Variants in CDH13 observed in about 807,000 individuals in gnomAD.
The protein encoded by CDH13 is cadherin 13.
Under a neutral mutation model 63.8 loss-of-function variants are expected in CDH13, and 24 were observed. The observed-to-expected ratio is 0.38, with a 90% confidence interval of 0.27 to 0.53. CDH13 has a LOEUF of 0.53. Among genes scored for constraint, CDH13 ranks in the 20% least tolerant of loss-of-function variants. CDH13 has a pLI of 0.85. For synonymous variants in CDH13, 503 were observed against 355.3 expected (o/e 1.42, Z -4.67); for missense variants, 1,049 against 903.1 (o/e 1.16, Z -2.07).
intron 1 of CDH13, among the ~76,000 whole-genome samples, chr16:82,799,573 G>A (rs1301364807): frequency 6.6e-6 from 1 of 152,128 alleles, no homozygotes; most frequent in East Asian, 1.9e-4. Context: ...AGAAATAAAT[G>A]GAAAACTCTT....
At chr16:82,749,871 G>A (rs1215582261) in intron 1 of CDH13, among the ~76,000 whole-genome samples, 3 of 151,976 alleles carry the variant, frequency 2.0e-5, no homozygotes, top group Non-Finnish European at 4.4e-5. Context: ...GGAGGTGTCA[G>A]TGATGTTATT....
At chr16:83,521,051 A>G (rs182994310) in intron 7 of CDH13, among the ~76,000 whole-genome samples, 2 of 152,194 alleles carry the variant, frequency 1.3e-5, no homozygotes, top group Admixed American at 1.3e-4. Context: ...TATATACTTC[A>G]TGTGCTTTTT....
At chr16:83,525,110 C>A (rs1406533904) in intron 7 of CDH13, among the ~76,000 whole-genome samples, 1 of 152,138 alleles carries the variant, frequency 6.6e-6, no homozygotes, top group African/African-American at 2.4e-5. Flanking sequence ...CTCTCTCTCC[C>A]GGTGTCCTTA....
intron 2 of CDH13, among the ~76,000 whole-genome samples, chr16:83,020,235 C>T (rs745568539): frequency 1.3e-5 from 2 of 152,136 alleles, no homozygotes; most frequent in South Asian, 2.1e-4. Context: ...TGTAGGACCT[C>T]AATGTATTCT....
At chr16:83,188,595 A>T (rs141973121) in intron 4 of CDH13, among the ~76,000 whole-genome samples, 3 of 152,106 alleles carry the variant, frequency 2.0e-5, no homozygotes, top group African/African-American at 7.2e-5. Flanking sequence ...CTGGCTCCCA[A>T]ACCTGTCCTT....
At chr16:83,729,238 A>T (rs1269587673) in intron 10 of CDH13, among the ~76,000 whole-genome samples, 1 of 152,204 alleles carries the variant, frequency 6.6e-6, no homozygotes, top group African/African-American at 2.4e-5. Flanking sequence ...CATATACATC[A>T]TATACTGTTA....
chr16:83,338,241 A>G (rs905149598), intron 5 of CDH13, among the ~76,000 whole-genome samples: 10 of 151,334 alleles, frequency 6.6e-5, no homozygotes, highest in African/African-American at 1.9e-4. Flanking sequence ...ATTGTTTACC[A>G]CTGGGATTCT....
chr16:83,169,796 A>T (rs1482194023), intron 4 of CDH13, among the ~76,000 whole-genome samples: 1 of 152,114 alleles, frequency 6.6e-6, no homozygotes, highest in Admixed American at 6.6e-5. Flanking sequence ...AGACAGATAC[A>T]ATACCATTTT....
At chr16:83,697,246 G>A (rs1905528956) in intron 10 of CDH13, among the ~76,000 whole-genome samples, 2 of 152,228 alleles carry the variant, frequency 1.3e-5, no homozygotes, top group African/African-American at 4.8e-5. Context: ...TCACAGTTGA[G>A]CTCAAACAAG....
chr16:83,145,370 A>G (rs150360034), intron 4 of CDH13, among the ~76,000 whole-genome samples: 1 of 152,310 alleles, frequency 6.6e-6, no homozygotes, highest in African/African-American at 2.4e-5. Flanking sequence ...AAAGGGAGAA[A>G]ATAATTATCA....
intron 3 of CDH13, among the ~76,000 whole-genome samples, chr16:83,075,584 T>A (rs2032777225): frequency 1.3e-5 from 2 of 152,194 alleles, no homozygotes; most frequent in Non-Finnish European, 2.9e-5. Flanking sequence ...TCTCATCATG[T>A]TTGGATTCAG....
chr16:83,141,797 G>C (rs933754264), intron 4 of CDH13, among the ~76,000 whole-genome samples: 1 of 152,178 alleles, frequency 6.6e-6, no homozygotes, highest in Non-Finnish European at 1.5e-5. Context: ...TTAGTTTGCT[G>C]AGAATGATGG....
chr16:82,808,456 A>G (rs1467238379), intron 1 of CDH13, among the ~76,000 whole-genome samples: 2 of 152,200 alleles, frequency 1.3e-5, no homozygotes, highest in Non-Finnish European at 2.9e-5. Context: ...GAATCCTTAT[A>G]GGAGGCAAGT....
intron 8 of CDH13, among the ~76,000 whole-genome samples, chr16:83,614,553 T>C (rs986897897): frequency 1.3e-4 from 20 of 152,338 alleles, no homozygotes; most frequent in African/African-American, 4.1e-4. Flanking sequence ...CAGTGAATTT[T>C]CCTTCTCTCC....
chr16:83,076,426 C>G (rs975784284), intron 3 of CDH13, among the ~76,000 whole-genome samples: 2 of 152,124 alleles, frequency 1.3e-5, no homozygotes, highest in Non-Finnish European at 2.9e-5. Flanking sequence ...CTTGGCTAGA[C>G]AAAGATCCTT....
chr16:83,138,059 A>G (rs1024259107), intron 4 of CDH13, among the ~76,000 whole-genome samples: 1 of 152,052 alleles, frequency 6.6e-6, no homozygotes, highest in Admixed American at 6.6e-5. Flanking sequence ...GAGGAGACAG[A>G]AGAACGCTTG....
intron 1 of CDH13, among the ~76,000 whole-genome samples, chr16:82,688,634 T>G (rs1388719546): frequency 6.6e-6 from 1 of 152,214 alleles, no homozygotes; most frequent in Non-Finnish European, 1.5e-5. Flanking sequence ...TTGAACCATT[T>G]TGGGATGGTT....
chr16:82,940,986 AT>A, intron 2 of CDH13, among the ~76,000 whole-genome samples: 1 of 152,296 alleles, frequency 6.6e-6, no homozygotes, highest in Non-Finnish European at 1.5e-5. Context: ...GAAGGTGCAC[AT>A]TTGGGCTGAA....
intron 8 of CDH13, among the ~76,000 whole-genome samples, chr16:83,632,051 AAAG>A (rs779740468): frequency 6.6e-6 from 1 of 152,228 alleles, no homozygotes; most frequent in East Asian, 1.9e-4. Context: ...ACAGGATTTT[AAAG>A]AAGAACGAAC....
Sources: allele counts gnomAD v4.1 joint callset (sites outside exome capture counted in the v4.1 genomes callset), GRCh38; gene constraint gnomAD v4.1.1; transcripts MANE v1.5; gene names NCBI Gene and HGNC (gene_info 2026-07-23, HGNC 2026-07-21).